NACC2: variants seen among roughly 807,000 people sequenced by gnomAD.
The protein encoded by NACC2 is NACC family member 2, also known as nucleus accumbens-associated protein 2.
Under a neutral mutation model 25.1 loss-of-function variants are expected in NACC2, and 8 were observed. That is an observed-to-expected ratio of 0.32 (90% CI 0.19 to 0.57). The LOEUF is 0.57. Among genes scored for constraint, NACC2 ranks in the 20% least tolerant of loss-of-function variants. The pLI, the probability that NACC2 is intolerant of heterozygous loss-of-function variation, is 0.89. For synonymous variants in NACC2, 435 were observed against 294.7 expected (o/e 1.48, Z -4.88); for missense variants, 644 against 650.2 (o/e 0.99, Z 0.10).
rs537518978 is a variant in NACC2, at chr9:136,007,478, C to T, written c.*4038G>A. The T allele has an allele frequency of 4.0e-4, 61 of 151,920 alleles. 1 individual carries two copies. In the South Asian group the frequency reaches 6.6e-3, roughly 17 times the overall value. The allele number at this position is 151,920 out of a possible 1,614,324, so 9.4% of individuals were successfully genotyped here. ...GCGCACACAGACGCACACACACAGA[C>T]GCACACACGCACAGACACACACATG... On this transcript the variant is annotated 3_prime_UTR_variant, in exon 6 of 6. Transcript: ENST00000277554.
intron 1 of NACC2, among the ~76,000 whole-genome samples, chr9:136,090,288 C>A (rs1795943108): frequency 6.6e-6 from 1 of 152,172 alleles, no homozygotes; most frequent in Non-Finnish European, 1.5e-5. Context: ...TGTGGGACAA[C>A]TTCCTTCTGC....
chr9:136,043,750 T>C (rs556054170), intron 2 of NACC2, among the ~76,000 whole-genome samples: 1 of 152,360 alleles, frequency 6.6e-6, no homozygotes, highest in African/African-American at 2.4e-5. Flanking sequence ...CTGTTCTGTA[T>C]GTTGATTGCA....
chr9:136,072,163 G>A (rs558289781), intron 1 of NACC2, among the ~76,000 whole-genome samples: 4 of 152,038 alleles, frequency 2.6e-5, no homozygotes, highest in Admixed American at 1.3e-4. Context: ...ACTTGAAACC[G>A]GGAGGCGGAG....
At chr9:136,081,418 C>T (rs1220547053) in intron 1 of NACC2, among the ~76,000 whole-genome samples, 1 of 152,258 alleles carries the variant, frequency 6.6e-6, no homozygotes, top group Admixed American at 6.5e-5. Context: ...CTCCACGCGT[C>T]CTCCCAGCTG....
intron 1 of NACC2, among the ~76,000 whole-genome samples, chr9:136,063,566 G>T (rs565294401): frequency 3.3e-5 from 5 of 152,198 alleles, no homozygotes; most frequent in African/African-American, 1.2e-4. Context: ...ACCTGGGAAG[G>T]GTATGCACAA....
rs1029880342 is a variant in NACC2 at position 136,009,758 on chromosome 9, G to A, written c.*1758C>T. On this transcript the variant is annotated 3_prime_UTR_variant, in exon 6 of 6. Coordinates refer to ENST00000277554, the MANE Select transcript of NACC2 (RefSeq NM_144653.5). The stretch of plus-strand genomic sequence containing the variant: ...CAGCACATGGTCCTCCCCTAGCGGA[G>A]GCGGCCTCCGCTTGATGGGTTGTGG... 2 of 152,418 alleles carry A rather than the reference G, an allele frequency of 1.3e-5. No homozygotes were observed. Among genetic ancestry groups the A allele is most frequent in the Non-Finnish European group, 2.9e-5 (2 of 68,200 alleles). 9.4% of individuals were successfully genotyped at this position (152,418 alleles called of 1,614,324 possible).
At chr9:136,051,876 A>AAGGAGGAGAAGGAGGAGG (rs1239934876) in intron 1 of NACC2, among the ~76,000 whole-genome samples, 1 of 132,330 alleles carries the variant, frequency 7.6e-6, no homozygotes, top group African/African-American at 3.3e-5. Flanking sequence ...GGGAGCCGGC[A>AAGGAGGAGAAGGAGGAGG]AGGAGGAGGA....
At chr9:136,042,775 CAG>C (rs58499836) in intron 2 of NACC2, among the ~76,000 whole-genome samples, 12,322 of 150,460 alleles carry the variant, frequency 0.082, 637 homozygotes, top group Admixed American at 0.15. Flanking sequence ...CAGAGACACA[CAG>C]ACACACACAC....
rs12337512 is a variant in NACC2, at chr9:136,013,374, C to T, written c.1158-78G>A. ...TGGAGGCGACCCGCCCGCACGAATG[C>T]CCTGCTGGGAGGCCACTTGGCCTCA... is the stretch of plus-strand genomic sequence containing the variant. On this transcript the variant is annotated intron_variant, in intron 4 of 5. Coordinates refer to ENST00000277554, the MANE Select transcript of NACC2 (RefSeq NM_144653.5). This position sits in a 1 kb window ranked among gnomAD's most constrained non-coding sequence, Gnocchi z 6.6. 0.013 allele frequency: 18,377 copies of T among 1,363,002 alleles called. 1,795 individuals are homozygous for T. The African/African-American group carries it at 0.22, about 16-fold the overall frequency. 84.4% of individuals were successfully genotyped at this position (1,363,002 alleles called of 1,614,324 possible).
At chr9:136,054,483 A>G (rs1243513104) in intron 1 of NACC2, among the ~76,000 whole-genome samples, 2 of 152,174 alleles carry the variant, frequency 1.3e-5, no homozygotes, top group Admixed American at 1.3e-4. Flanking sequence ...CTTTAGGAGA[A>G]AAGAATAAAA....
chr9:136,049,241 GGA>G (rs1840776374), intron 2 of NACC2, among the ~76,000 whole-genome samples: 1 of 152,194 alleles, frequency 6.6e-6, no homozygotes, highest in Non-Finnish European at 1.5e-5. Flanking sequence ...TGGGTTCAGG[GGA>G]CTCTCTAGAC....
chr9:136,050,126 G>A lies in NACC2; in HGVS notation c.396C>T (p.Thr132=), dbSNP rs1195077114. 5.0e-5 allele frequency: 38 copies of A among 763,528 alleles called. No homozygotes were observed. The highest frequency in any genetic ancestry group is 3.3e-4 in the Middle Eastern group (1 of 3,064). 47.3% of individuals were successfully genotyped at this position (763,528 alleles called of 1,614,324 possible). A position where few individuals can be genotyped will look rare whatever the true frequency, so the allele number is the denominator to read the frequency against. ...CGGAGCCGGCGTCCTCGATCACAGC[G>A]GTCTGCGAGTCGCAGTGGGGCGAGC... The part of the protein sequence containing the change: ...KVSSPHCDSQ[T]AVIEDAGSEP... Residue 132 remains threonine, a synonymous_variant, in exon 2 of 6, where the codon ACC becomes ACT. Transcript: ENST00000277554.
intron 1 of NACC2, among the ~76,000 whole-genome samples, chr9:136,073,156 G>A (rs1830218045): frequency 6.6e-6 from 1 of 152,180 alleles, no homozygotes; most frequent in Non-Finnish European, 1.5e-5. Context: ...GGCCGGGTAT[G>A]GTGGCACGTG....
rs2131162133 is a variant in NACC2, at chr9:136,049,925, G to A, written c.597C>T (p.Asp199=). 6 of 577,536 alleles carry A rather than the reference G, an allele frequency of 1.0e-5. No individual in the cohort carries two copies. The highest frequency in any genetic ancestry group is 9.4e-5 in the East Asian group (3 of 32,016). 35.8% of individuals were successfully genotyped at this position (577,536 alleles called of 1,614,324 possible). A position where few individuals can be genotyped will look rare whatever the true frequency, so the allele number is the denominator to read the frequency against. ...PKRPLETGPR[D]GVAVAAGAAV... ...CAGCCCCCGCGGCCACCGCCACGCC[G>A]TCCCGGGGCCCCGTCTCCAGCGGGC... Residue 199 remains aspartate (D), a synonymous_variant, in exon 2 of 6, where the codon GAC becomes GAT. Coordinates refer to ENST00000277554, the MANE Select transcript of NACC2 (RefSeq NM_144653.5).
chr9:136,074,170 G>A (rs1015421910), intron 1 of NACC2, among the ~76,000 whole-genome samples: 2 of 151,676 alleles, frequency 1.3e-5, no homozygotes, highest in Non-Finnish European at 2.9e-5. Context: ...GCCAGGCATG[G>A]CCAGGCGCGG....
chr9:136,038,464 C>G, intron 2 of NACC2, among the ~76,000 whole-genome samples: 1 of 152,110 alleles, frequency 6.6e-6, no homozygotes, highest in East Asian at 1.9e-4. Flanking sequence ...GGCTTGAGCC[C>G]GGGAGGCAGA....
At chr9:136,067,148 G>C (rs1841094575) in intron 1 of NACC2, among the ~76,000 whole-genome samples, 1 of 152,072 alleles carries the variant, frequency 6.6e-6, no homozygotes, top group Non-Finnish European at 1.5e-5. Context: ...CGGCTACTCG[G>C]GAGGCTGAGG....
In NACC2 at chr9:136,073,428, A is replaced by C. The variant is rs1468433269; in HGVS notation, c.-60+21761T>G. On this transcript the variant is annotated intron_variant, in intron 1 of 5. Transcript: ENST00000277554. ...CTGGGTGACAGAGCAAGACTGTCTC[A>C]AAAAAAAAATTTTTAATAAAAAATA... 5.7e-5 allele frequency among the ~76,000 whole-genome samples: 8 copies of C among 140,376 alleles called. No individual in the cohort carries two copies. The East Asian group carries it at 7.1e-4, about 13-fold the overall frequency. 92.1% of individuals were successfully genotyped at this position (140,376 alleles called of 152,430 possible). A position where few individuals can be genotyped will look rare whatever the true frequency, so the allele number is the denominator to read the frequency against.
intron 1 of NACC2, among the ~76,000 whole-genome samples, chr9:136,075,848 C>T (rs897324067): frequency 1.3e-5 from 2 of 152,224 alleles, no homozygotes. Context: ...AAGTCATCTC[C>T]TCTGGAGTGA....
Sources: allele counts gnomAD v4.1 joint callset (sites outside exome capture counted in the v4.1 genomes callset), GRCh38; gene constraint gnomAD v4.1.1; non-coding constraint Gnocchi (gnomAD v3.1); transcripts MANE v1.5; gene names NCBI Gene and HGNC (gene_info 2026-07-23, HGNC 2026-07-21).